KDM4C: variants seen among roughly 807,000 people sequenced by gnomAD.
KDM4C encodes lysine demethylase 4C.
A neutral mutation model predicts 129.3 loss-of-function variants in KDM4C; 81 were observed. The observed-to-expected ratio is 0.63, with a 90% CI of 0.52 to 0.75. The LOEUF (loss-of-function observed/expected upper bound fraction) is 0.75. Among genes scored for constraint, KDM4C ranks in the 30% least tolerant of loss-of-function variants. KDM4C has a pLI of 0.00. For missense variants in KDM4C, 1,457 were observed against 1,304.0 expected, an observed-to-expected ratio of 1.12 and a Z score of -1.81; for synonymous variants, 573 against 456.1, an observed-to-expected ratio of 1.26 and a Z score of -3.26.
intron 19 of KDM4C, among the ~76,000 whole-genome samples, chr9:7,149,535 A>C (rs779829775): frequency 6.6e-6 from 1 of 152,230 alleles, no homozygotes; most frequent in Non-Finnish European, 1.5e-5. Flanking sequence ...CCCCATGTGC[A>C]GCCTTGGCCA....
Position 6,758,563 on chromosome 9 carries a change from G to A in KDM4C, c.-18+360G>A, listed in dbSNP as rs1347692104. 2.0e-5 allele frequency among the ~76,000 whole-genome samples: 3 copies of A among 152,206 alleles called. No individual in the cohort carries two copies. Among genetic ancestry groups the A allele is most frequent in the Non-Finnish European group, 4.4e-5 (3 of 68,016 alleles). ...CTTAACGCCGCCAGTCGGCTGTGGC[G>A]GACTCCAGGAAGGCCGGGCCTGGTG... is the stretch of plus-strand genomic sequence containing the variant. On this transcript the variant is annotated intron_variant, in intron 1 of 21. Coordinates refer to ENST00000381309, the MANE Select transcript of KDM4C (RefSeq NM_015061.6). This position sits in a 1 kb window ranked among gnomAD's most constrained non-coding sequence, Gnocchi z 4.6.
At chr9:7,128,570 T>C (rs970069171) in intron 19 of KDM4C, among the ~76,000 whole-genome samples, 7 of 152,358 alleles carry the variant, frequency 4.6e-5, no homozygotes, top group African/African-American at 1.4e-4. Context: ...ACCTATTCTT[T>C]CCTGTTACAA....
intron 2 of KDM4C, among the ~76,000 whole-genome samples, chr9:6,794,290 A>G (rs894597827): frequency 6.6e-6 from 1 of 152,238 alleles, no homozygotes; most frequent in African/African-American, 2.4e-5. Context: ...GCACAGATCC[A>G]AAGGATAAAA....
chr9:6,961,988 A>G (rs1026640668), intron 8 of KDM4C, among the ~76,000 whole-genome samples: 2 of 152,214 alleles, frequency 1.3e-5, no homozygotes, highest in Non-Finnish European at 2.9e-5. Flanking sequence ...TAAATCAGCT[A>G]CTGGGTCGGT....
chr9:7,126,276 C>T (rs1435983516), intron 18 of KDM4C, among the ~76,000 whole-genome samples: 1 of 152,152 alleles, frequency 6.6e-6, no homozygotes, highest in African/African-American at 2.4e-5. Context: ...GTAAGGACTG[C>T]AACCCAGCTG....
chr9:7,146,229 A>C (rs1266796908), intron 19 of KDM4C, among the ~76,000 whole-genome samples: 1 of 152,236 alleles, frequency 6.6e-6, no homozygotes, highest in African/African-American at 2.4e-5. Flanking sequence ...AATACATCAA[A>C]ATGTTACTGA....
intron 8 of KDM4C, among the ~76,000 whole-genome samples, chr9:6,918,000 A>G (rs568042901): frequency 1.9e-4 from 29 of 152,320 alleles, no homozygotes; most frequent in African/African-American, 6.7e-4. Context: ...CATTTGAAAA[A>G]TATCTTCTCT....
chr9:6,945,111 TCTTA>T (rs1335619834), intron 8 of KDM4C, among the ~76,000 whole-genome samples: 1 of 152,154 alleles, frequency 6.6e-6, no homozygotes, highest in African/African-American at 2.4e-5. Context: ...ACCTTCCACC[TCTTA>T]CTCACTGCAC....
At chr9:7,000,439 T>G (rs1174087024) in intron 12 of KDM4C, among the ~76,000 whole-genome samples, 1 of 152,214 alleles carries the variant, frequency 6.6e-6, no homozygotes, top group Non-Finnish European at 1.5e-5. Context: ...ATGGAGATTG[T>G]AAGATGATAA....
At position 6,808,359 on chromosome 9, in the gene KDM4C, C is replaced by T. The variant is rs1436933600; in HGVS notation, c.320+2585C>T. On this transcript the variant is annotated intron_variant, in intron 3 of 21. Transcript: ENST00000381309. The stretch of plus-strand genomic sequence containing the variant: ...TTTTGTTCTGCACTAAGAAAAATTC[C>T]TCTGCCTTGGGATCCTGTTGATCTG... 8.2e-5 allele frequency among the ~76,000 whole-genome samples: 6 copies of T among 73,130 alleles called. No homozygotes were observed. The East Asian group carries it at 1.0e-3, about 13-fold the overall frequency. 48.0% of individuals were successfully genotyped at this position (73,130 alleles called of 152,430 possible). A position where few individuals can be genotyped will look rare whatever the true frequency, so the allele number is the denominator to read the frequency against.
chr9:7,031,630 T>TA (rs1328581455), intron 15 of KDM4C, among the ~76,000 whole-genome samples: 1 of 152,174 alleles, frequency 6.6e-6, no homozygotes, highest in African/African-American at 2.4e-5. Flanking sequence ...CACACACAGA[T>TA]ACATATATAT....
At chr9:6,984,668 T>G (rs1817372392) in intron 10 of KDM4C, among the ~76,000 whole-genome samples, 1 of 70,660 alleles carries the variant, frequency 1.4e-5, no homozygotes, top group African/African-American at 4.3e-5. Flanking sequence ...TAAAATGAGT[T>G]TTTTTTTTTT....
chr9:6,864,819 A>T (rs1468283961), intron 5 of KDM4C, among the ~76,000 whole-genome samples: 1 of 144,680 alleles, frequency 6.9e-6, no homozygotes, highest in Non-Finnish European at 1.5e-5. Context: ...CTTTTTTTTT[A>T]ATTTATTTTT....
intron 8 of KDM4C, among the ~76,000 whole-genome samples, chr9:6,931,786 C>A (rs1216500764): frequency 6.6e-6 from 1 of 152,222 alleles, no homozygotes; most frequent in Non-Finnish European, 1.5e-5. Flanking sequence ...CAGGCATGAG[C>A]CACCATCCTC....
At chr9:6,931,412 A>G (rs1823705541) in intron 8 of KDM4C, among the ~76,000 whole-genome samples, 1 of 152,230 alleles carries the variant, frequency 6.6e-6, no homozygotes, top group African/African-American at 2.4e-5. Flanking sequence ...ATGTACTTAA[A>G]GAATGGCCAT....
At chr9:6,748,847 G>C in intron 1 of KDM4C, 1 of 1,100,378 alleles carries the variant, frequency 9.1e-7, no homozygotes, top group Non-Finnish European at 1.4e-6. Flanking sequence ...CAATGATACA[G>C]CCTTCTATCT....
intron 8 of KDM4C, among the ~76,000 whole-genome samples, chr9:6,924,585 A>G (rs966576492): frequency 6.6e-6 from 1 of 152,106 alleles, no homozygotes; most frequent in African/African-American, 2.4e-5. Flanking sequence ...CACTCTGTCT[A>G]TCCTCTGGTT....
chr9:7,103,930 G>T, intron 18 of KDM4C, 60 bp downstream of exon 18: 5 of 1,447,388 alleles, frequency 3.5e-6, no homozygotes, highest in Non-Finnish European at 3.9e-6. Context: ...TCCTGTTTTA[G>T]ACTACCTCCC....
At chr9:6,756,237 T>C (rs1412220458), upstream of KDM4C, among the ~76,000 whole-genome samples, 1 of 152,230 alleles carries the variant, frequency 6.6e-6, no homozygotes, top group Non-Finnish European at 1.5e-5. Flanking sequence ...TGAATTATTA[T>C]AAGTATTTAT....
Sources: gnomAD v4.1 joint callset for allele counts (sites outside exome capture counted in the v4.1 genomes callset) on GRCh38, gnomAD v4.1.1 for gene constraint, Gnocchi (gnomAD v3.1) non-coding constraint, MANE v1.5 for transcripts, NCBI Gene and HGNC (gene_info 2026-07-23, HGNC 2026-07-21) for gene names.